Variants in TBCE observed in about 807,000 individuals in gnomAD.
TBCE encodes the protein tubulin folding cofactor E.
A neutral mutation model predicts 77.0 loss-of-function variants in TBCE; 53 were observed. The ratio of observed to expected loss-of-function variants is 0.69; its 90% confidence interval spans 0.55 to 0.87. TBCE has a LOEUF of 0.87. Among genes scored for constraint, TBCE ranks in the 40% least tolerant of loss-of-function variants. The pLI, the probability that TBCE is intolerant of heterozygous loss-of-function variation, is 0.00. For missense variants in TBCE, 624 were observed against 622.4 expected, an observed-to-expected ratio of 1.00 and a Z score of -0.03; for synonymous variants, 235 against 241.3, an observed-to-expected ratio of 0.97 and a Z score of 0.24.
At chr1:235,433,065 G>A in intron 7 of TBCE, 1 of 1,553,988 alleles carries the variant, frequency 6.4e-7, no homozygotes, top group Non-Finnish European at 8.6e-7. Flanking sequence ...TCAGTGCCAA[G>A]GACCACACAT....
intron 15 of TBCE, among the ~76,000 whole-genome samples, chr1:235,446,600 T>G (rs1682330007): frequency 6.6e-6 from 1 of 152,150 alleles, no homozygotes; most frequent in African/African-American, 2.4e-5. Flanking sequence ...ATTTTCTGAA[T>G]GTTAAGACAG....
intron 1 of TBCE, among the ~76,000 whole-genome samples, chr1:235,369,832 CAAAAAA>C (rs113566222): frequency 8.9e-6 from 1 of 112,116 alleles, no homozygotes; most frequent in Non-Finnish European, 2.0e-5. Flanking sequence ...AACTCTGTCT[CAAAAAA>C]AAAAAAAAAG....
intron 4 of TBCE, chr1:235,414,935 A>G: frequency 2.8e-6 from 1 of 353,906 alleles, no homozygotes; most frequent in African/African-American, 2.1e-5. Flanking sequence ...TTTCATGGTG[A>G]TGATGGTAAG....
At chr1:235,368,843 G>A (rs889178877) in intron 1 of TBCE, among the ~76,000 whole-genome samples, 2 of 152,056 alleles carry the variant, frequency 1.3e-5, no homozygotes, top group Non-Finnish European at 2.9e-5. Flanking sequence ...TGGGGCTACA[G>A]GTGTGAGCCA....
chr1:235,408,343 AG>A (rs1679578792), intron 3 of TBCE, among the ~76,000 whole-genome samples: 1 of 152,236 alleles, frequency 6.6e-6, no homozygotes, highest in Admixed American at 6.6e-5. Context: ...GTGTGTCATA[AG>A]CCAGTTGTAA....
chr1:235,403,478 G>T (rs1417334614), intron 3 of TBCE, among the ~76,000 whole-genome samples: 2 of 152,138 alleles, frequency 1.3e-5, no homozygotes, highest in African/African-American at 4.8e-5. Context: ...CCAAAGTGCT[G>T]GGATTACAGG....
intron 3 of TBCE, among the ~76,000 whole-genome samples, 189 bp from the exon 4 acceptor site, chr1:235,414,244 C>G (rs1230276580): frequency 6.6e-6 from 1 of 152,160 alleles, no homozygotes; most frequent in Non-Finnish European, 1.5e-5. Context: ...ATTTAACATG[C>G]TTGCATAAGA....
At chr1:235,419,942 G>A (rs549017043) in intron 5 of TBCE, among the ~76,000 whole-genome samples, 8 of 152,144 alleles carry the variant, frequency 5.3e-5, no homozygotes, top group South Asian at 2.1e-4. Flanking sequence ...AAAATTAGCC[G>A]GGTGTGGTGG....
At position 235,438,644 on chromosome 1, in the gene TBCE, A is replaced by G. The variant is rs970134773; in HGVS notation, c.1117-125A>G. On this transcript the variant is annotated intron_variant, in intron 12 of 16. Transcript: ENST00000642610. ...TGTTAAAAAGAAGGGTGAAAACTAG[A>G]TCTTGTCCCTCTCAATTTGATTATT... The G allele has an allele frequency of 1.2e-5, 13 of 1,117,272 alleles. No individual in the cohort carries two copies. The African/African-American group carries it at 1.7e-4, about 15-fold the overall frequency. 69.2% of individuals were successfully genotyped at this position (1,117,272 alleles called of 1,614,324 possible). A position where few individuals can be genotyped will look rare whatever the true frequency, so the allele number is the denominator to read the frequency against.
chr1:235,448,958 G>T lies in TBCE; in HGVS notation c.*196G>T, dbSNP rs1242842488. On this transcript the variant is annotated 3_prime_UTR_variant, in exon 17 of 17. Transcript: ENST00000642610. ...ACATAATAGCAATAATAAAGGCTTT[G>T]AACCTACTAATGATTTTCTGATCTT... is the stretch of plus-strand genomic sequence containing the variant. The T allele has an allele frequency of 3.8e-6, 2 of 522,698 alleles. No individual in the cohort carries two copies. The highest frequency in any genetic ancestry group is 7.3e-5 in the East Asian group (2 of 27,556). The allele number at this position is 522,698 out of a possible 1,614,324, so 32.4% of individuals were successfully genotyped here. A position where few individuals can be genotyped will look rare whatever the true frequency, so the allele number is the denominator to read the frequency against.
rs372045644 is a variant in TBCE at position 235,402,808 on chromosome 1, T to A, written c.185+1221T>A. Among the ~76,000 whole-genome samples the A allele has an allele frequency of 9.0e-3, 1,365 of 151,776 alleles. 23 individuals carry two copies. The highest frequency in any genetic ancestry group is 0.032 in the African/African-American group (1,315 of 41,322). On this transcript the variant is annotated intron_variant, in intron 3 of 16. Transcript: ENST00000642610. ...CCCAGCTAATTTAAAAAAATAAAAA[T>A]AAAAAAGAGATGAAGTTTTTCTATG...
intron 1 of TBCE, among the ~76,000 whole-genome samples, chr1:235,368,568 T>TTTTTTG (rs1676707390): frequency 7.4e-6 from 1 of 134,778 alleles, no homozygotes; most frequent in African/African-American, 2.9e-5. Flanking sequence ...TTTTTTTTTT[T>TTTTTTG]TTTTTTTGAT....
intron 15 of TBCE, among the ~76,000 whole-genome samples, chr1:235,446,750 TAC>T (rs947975102): frequency 4.7e-5 from 7 of 150,450 alleles, no homozygotes; most frequent in African/African-American, 1.7e-4. Flanking sequence ...CTGGATGGAG[TAC>T]AGTGGCGCGA....
chr1:235,390,612 T>G (rs1356817340), intron 2 of TBCE, among the ~76,000 whole-genome samples: 2 of 151,814 alleles, frequency 1.3e-5, no homozygotes, highest in Non-Finnish European at 2.9e-5. Context: ...AATACAAAAA[T>G]TAGTCAGATG....
chr1:235,414,486 A>C lies in TBCE; in HGVS notation c.239A>C (p.Asp80Ala), dbSNP rs1319324562. Residue 80 changes from aspartate to alanine, a missense_variant, in exon 4 of 17, where the codon GAC becomes GCC. Asp to Ala is a moderately radical substitution (Grantham distance 126). Coordinates refer to ENST00000642610, the MANE Select transcript of TBCE (RefSeq NM_003193.5). ...IRPNKVNFGT[D>A]FLTAIKNRYV... ...CCGAACAAGGTAAATTTTGGAACAG[A>C]CTTTCTTACTGCAATTAAGAACCGC... 2.5e-6 allele frequency: 4 copies of C among 1,613,812 alleles called. No homozygotes were observed. Among genetic ancestry groups the C allele is most frequent in the Non-Finnish European group, 3.4e-6 (4 of 1,179,996 alleles).
At chr1:235,378,034 G>A (rs941135143) in intron 1 of TBCE, among the ~76,000 whole-genome samples, 1 of 152,104 alleles carries the variant, frequency 6.6e-6, no homozygotes, top group Non-Finnish European at 1.5e-5. Context: ...ATATACCAAT[G>A]GAGTTTGTGG....
At chr1:235,441,502 A>C (rs1681873582) in intron 13 of TBCE, 2 of 350,104 alleles carry the variant, frequency 5.7e-6, no homozygotes, top group Admixed American at 9.0e-5. Context: ...AGGACACCTA[A>C]GGAACAATGA....
At chr1:235,386,460 T>C (rs1287482645) in intron 2 of TBCE, among the ~76,000 whole-genome samples, 1 of 152,206 alleles carries the variant, frequency 6.6e-6, no homozygotes, top group Non-Finnish European at 1.5e-5. Flanking sequence ...TTTGGTTTTT[T>C]CACATAGTCC....
At chr1:235,444,571 T>A (rs887984158) in intron 15 of TBCE, among the ~76,000 whole-genome samples, 3 of 152,096 alleles carry the variant, frequency 2.0e-5, no homozygotes, top group African/African-American at 7.2e-5. Context: ...ACCCCGCTAA[T>A]TTTTTTGATT....
Sources: allele counts gnomAD v4.1 joint callset (sites outside exome capture counted in the v4.1 genomes callset), GRCh38; gene constraint gnomAD v4.1.1; transcripts MANE v1.5; gene names NCBI Gene and HGNC (gene_info 2026-07-23, HGNC 2026-07-21).